VSNL1: variants seen among roughly 807,000 people sequenced by gnomAD.
VSNL1 encodes the protein visinin like 1.
In VSNL1, 6 loss-of-function variants were observed where a neutral mutation model predicts 20.4. That is an observed-to-expected ratio of 0.29 (90% confidence interval 0.16 to 0.58). The LOEUF is 0.58. VSNL1 is among the 20% of genes least tolerant of loss of function. The pLI is 0.90. For missense variants in VSNL1, 100 were observed against 234.5 expected (o/e 0.43, Z 3.75); for synonymous variants, 93 against 86.4 (o/e 1.08, Z -0.42).
chr2:17,638,703 C>A (rs538986294), intron 2 of VSNL1, among the ~76,000 whole-genome samples: 1 of 152,334 alleles, frequency 6.6e-6, no homozygotes, highest in African/African-American at 2.4e-5. Flanking sequence ...AACCTACTAG[C>A]AAACTCTCCA....
intron 2 of VSNL1, among the ~76,000 whole-genome samples, chr2:17,596,516 G>T (rs933334983): frequency 3.9e-5 from 6 of 152,280 alleles, no homozygotes; most frequent in Admixed American, 1.3e-4. Context: ...GGGAAGAAGT[G>T]TCTCCATCCC....
At chr2:17,642,485 T>C (rs2103423250) in intron 2 of VSNL1, among the ~76,000 whole-genome samples, 1 of 152,084 alleles carries the variant, frequency 6.6e-6, no homozygotes, top group East Asian at 1.9e-4. Context: ...ATTTTTTGTA[T>C]ATTTAGTAGA....
chr2:17,608,295 T>C (rs1665001854), intron 2 of VSNL1, among the ~76,000 whole-genome samples: 1 of 152,238 alleles, frequency 6.6e-6, no homozygotes, highest in South Asian at 2.1e-4. Context: ...GTAGTACTTA[T>C]TTTTATCCAT....
At chr2:17,557,669 C>A (rs13423024) in intron 1 of VSNL1, among the ~76,000 whole-genome samples, 1 of 152,134 alleles carries the variant, frequency 6.6e-6, no homozygotes, top group Non-Finnish European at 1.5e-5. Context: ...TACTGCATTT[C>A]TTTTTGAAAA....
chr2:17,622,959 C>T lies in VSNL1; in HGVS notation c.163-26451C>T, dbSNP rs537349689. 2.0e-5 allele frequency among the ~76,000 whole-genome samples: 3 copies of T among 149,626 alleles called. No individual in the cohort carries two copies. In the East Asian group the frequency reaches 5.9e-4, roughly 30 times the overall value. ...GTCCAAACCACCCTGGGCAGGTTCC[C>T]TCATCTACACAAAAGCATCTGGTAT... On this transcript the variant is annotated intron_variant, in intron 2 of 3. Transcript: ENST00000295156.
At chr2:17,610,572 T>C (rs1665060783) in intron 2 of VSNL1, among the ~76,000 whole-genome samples, 1 of 152,188 alleles carries the variant, frequency 6.6e-6, no homozygotes, top group Admixed American at 6.5e-5. Context: ...AAAATCATCT[T>C]GCAAGGCAAG....
At chr2:17,585,067 T>A (rs1017019010) in intron 1 of VSNL1, among the ~76,000 whole-genome samples, 2 of 152,176 alleles carry the variant, frequency 1.3e-5, no homozygotes, top group East Asian at 3.8e-4. Context: ...TAAAAAAATA[T>A]GTTTGCCTTA....
At chr2:17,614,291 G>A (rs1178261840) in intron 2 of VSNL1, among the ~76,000 whole-genome samples, 4 of 152,214 alleles carry the variant, frequency 2.6e-5, no homozygotes, top group African/African-American at 9.7e-5. Flanking sequence ...CCCCAGTTGG[G>A]GGAAACATTG....
chr2:17,622,531 GA>G (rs377576897), intron 2 of VSNL1, among the ~76,000 whole-genome samples: 26 of 65,628 alleles, frequency 4.0e-4, no homozygotes, highest in Non-Finnish European at 6.4e-4. Context: ...AAGAAAGAAA[GA>G]AAAGAAAGAA....
At chr2:17,602,969 C>G (rs1200540798) in intron 2 of VSNL1, among the ~76,000 whole-genome samples, 1 of 152,110 alleles carries the variant, frequency 6.6e-6, no homozygotes, top group African/African-American at 2.4e-5. Context: ...CTAGGAGAAA[C>G]TCTTAACAAT....
chr2:17,625,014 T>C (rs1175364901), intron 2 of VSNL1, among the ~76,000 whole-genome samples: 2 of 152,160 alleles, frequency 1.3e-5, no homozygotes, highest in East Asian at 3.8e-4. Context: ...GGGGACCTGG[T>C]GGGAGATAAC....
In VSNL1 at chr2:17,634,032, G is replaced by C. The variant is rs1244681152; in HGVS notation, c.163-15378G>C. 6.6e-6 allele frequency among the ~76,000 whole-genome samples: 1 copy of C among 152,208 alleles called. No individual in the cohort carries two copies. Among genetic ancestry groups the C allele is most frequent in the African/African-American group, 2.4e-5 (1 of 41,456 alleles). ...GAGGTGAGGGTGGTGGAGAAATGAA[G>C]CTGGAGAGGTTTGCAGGACCCAAGT... is the stretch of plus-strand genomic sequence containing the variant. On this transcript the variant is annotated intron_variant, in intron 2 of 3. Coordinates refer to ENST00000295156, the MANE Select transcript of VSNL1 (RefSeq NM_003385.5). This position sits in a 1 kb window ranked among gnomAD's most constrained non-coding sequence, Gnocchi z 4.3.
chr2:17,607,849 A>G (rs529124611), intron 2 of VSNL1, among the ~76,000 whole-genome samples: 73 of 152,382 alleles, frequency 4.8e-4, no homozygotes, highest in Middle Eastern at 6.8e-3. Flanking sequence ...GTTATCCAGA[A>G]TAATGAGCTA....
chr2:17,584,477 G>GC (rs1372919974), intron 1 of VSNL1, among the ~76,000 whole-genome samples: 1 of 152,070 alleles, frequency 6.6e-6, no homozygotes, highest in Non-Finnish European at 1.5e-5. Flanking sequence ...TGGACATCTG[G>GC]CCCCCAAGTT....
At chr2:17,651,674 G>A (rs908776938) in intron 3 of VSNL1, among the ~76,000 whole-genome samples, 3 of 152,218 alleles carry the variant, frequency 2.0e-5, no homozygotes, top group Non-Finnish European at 4.4e-5. Context: ...GGCAGTCCGG[G>A]CCATTTCCTG....
intron 1 of VSNL1, among the ~76,000 whole-genome samples, chr2:17,587,202 T>A (rs996823094): frequency 2.0e-5 from 3 of 152,126 alleles, no homozygotes; most frequent in African/African-American, 7.2e-5. Flanking sequence ...TTTAAATGAA[T>A]CTTGCTAAGA....
At chr2:17,646,905 G>A (rs972907712) in intron 2 of VSNL1, among the ~76,000 whole-genome samples, 3 of 152,094 alleles carry the variant, frequency 2.0e-5, no homozygotes, top group African/African-American at 7.2e-5. Context: ...ATCTAGAGTT[G>A]AATTATTTTG....
At chr2:17,549,843 T>C (rs1320487556) in intron 1 of VSNL1, among the ~76,000 whole-genome samples, 2 of 152,246 alleles carry the variant, frequency 1.3e-5, no homozygotes, top group African/African-American at 4.8e-5. Context: ...CTTATCAACA[T>C]TTCATTGTTG....
intron 2 of VSNL1, among the ~76,000 whole-genome samples, chr2:17,617,121 AC>A (rs1665236652): frequency 6.6e-6 from 1 of 152,162 alleles, no homozygotes; most frequent in African/African-American, 2.4e-5. Context: ...AGAGGCTCTT[AC>A]AGGTCATTCT....
Sources: allele counts gnomAD v4.1 joint callset (sites outside exome capture counted in the v4.1 genomes callset), GRCh38; gene constraint gnomAD v4.1.1; non-coding constraint Gnocchi (gnomAD v3.1); transcripts MANE v1.5; gene names NCBI Gene and HGNC (gene_info 2026-07-23, HGNC 2026-07-21).